The following MAGI2 variants were observed in gnomAD, a reference collection of about 807,000 sequenced individuals.
MAGI2 encodes the protein membrane-associated guanylate kinase, WW and PDZ domain-containing protein 2.
A neutral mutation model predicts 133.3 loss-of-function variants in MAGI2; 35 were observed. That is an observed-to-expected ratio of 0.26 (90% CI 0.20 to 0.35). The LOEUF (loss-of-function observed/expected upper bound fraction) is 0.35, where lower values mean the gene tolerates loss of function less well. MAGI2 is among the 10% of genes least tolerant of loss of function. The pLI is 1.00. For missense variants in MAGI2, 1,636 were observed against 1,863.4 expected (o/e 0.88, Z 2.25); for synonymous variants, 729 against 710.6 (o/e 1.03, Z -0.41).
At chr7:78,607,775 C>A (rs1035934488) in intron 3 of MAGI2, among the ~76,000 whole-genome samples, 2 of 152,162 alleles carry the variant, frequency 1.3e-5, no homozygotes, top group Non-Finnish European at 2.9e-5. Flanking sequence ...TCCTCATGGA[C>A]AATTTCAGTT....
chr7:79,248,696 A>C (rs1297009021), intron 1 of MAGI2, among the ~76,000 whole-genome samples: 1 of 152,122 alleles, frequency 6.6e-6, no homozygotes, highest in Non-Finnish European at 1.5e-5. Flanking sequence ...GAGTAAAACC[A>C]AAAATCAATG....
intron 6 of MAGI2, among the ~76,000 whole-genome samples, chr7:78,405,979 G>C (rs568069897): frequency 6.6e-6 from 1 of 151,898 alleles, no homozygotes; most frequent in Non-Finnish European, 1.5e-5. Context: ...TAAAACATCA[G>C]AATTTAGTTT....
intron 1 of MAGI2, chr7:79,413,019 G>T (rs993744016): frequency 5.9e-5 from 9 of 152,034 alleles, no homozygotes; most frequent in African/African-American, 2.2e-4. Context: ...TAAGATTTTT[G>T]GTGTTTTCTC....
intron 2 of MAGI2, among the ~76,000 whole-genome samples, chr7:78,695,883 T>C (rs1415573219): frequency 1.3e-5 from 2 of 152,332 alleles, no homozygotes; most frequent in South Asian, 4.1e-4. Flanking sequence ...TCTCTTATCC[T>C]AGTTTTTAAA....
chr7:79,129,914 AG>A (rs1354580895), intron 1 of MAGI2, among the ~76,000 whole-genome samples: 2 of 152,188 alleles, frequency 1.3e-5, no homozygotes, highest in Non-Finnish European at 1.5e-5. Flanking sequence ...TTGCCAAATT[AG>A]CTGACAAATG....
chr7:78,759,679 A>G (rs1824291541), intron 2 of MAGI2, among the ~76,000 whole-genome samples: 1 of 152,248 alleles, frequency 6.6e-6, no homozygotes, highest in Non-Finnish European at 1.5e-5. Context: ...TTAGAAAAAA[A>G]TACCTATTAT....
chr7:78,062,125 T>G (rs183156227), intron 21 of MAGI2, among the ~76,000 whole-genome samples: 1 of 152,250 alleles, frequency 6.6e-6, no homozygotes, highest in Admixed American at 6.5e-5. Flanking sequence ...ATATAGAGAG[T>G]TACTTTAGTG....
chr7:78,441,440 C>A (rs542634763), intron 6 of MAGI2, among the ~76,000 whole-genome samples: 1 of 152,214 alleles, frequency 6.6e-6, no homozygotes, highest in Admixed American at 6.5e-5. Flanking sequence ...CATAAAAAAG[C>A]TCTGCCAGCC....
chr7:78,658,894 C>G (rs898545193), intron 2 of MAGI2, among the ~76,000 whole-genome samples: 2 of 152,096 alleles, frequency 1.3e-5, no homozygotes, highest in African/African-American at 2.4e-5. Context: ...ACAAATTGAT[C>G]GTTCTCTAAA....
intron 2 of MAGI2, among the ~76,000 whole-genome samples, chr7:78,975,937 T>C (rs1804205416): frequency 6.6e-6 from 1 of 151,636 alleles, no homozygotes; most frequent in South Asian, 2.1e-4. Flanking sequence ...ATCAATTCCT[T>C]GAATGACATA....
chr7:78,256,422 A>C lies in MAGI2; in HGVS notation c.1568T>G (p.Met523Arg), dbSNP rs761561441. 1 of 1,613,956 alleles carries C rather than the reference A, an allele frequency of 6.2e-7. No individual in the cohort carries two copies. The highest frequency in any genetic ancestry group is 1.7e-5 in the Admixed American group (1 of 60,006). Residue 523 changes from methionine (M) to arginine (R), a missense_variant, in exon 10 of 22, where the codon ATG becomes AGG. Physicochemically the swap from Met to Arg is moderately conservative, Grantham distance 91. Coordinates refer to ENST00000354212, the MANE Select transcript of MAGI2 (RefSeq NM_012301.4). ...PFDPEDPANS[M>R]VPPLAIMERP... ...CTCCATTATTGCAAGGGGTGGCACC[A>C]TGCTGTTAGCAGGGTCTTCAGGATC...
At chr7:78,442,840 CA>C (rs1787762246) in intron 6 of MAGI2, among the ~76,000 whole-genome samples, 1 of 152,156 alleles carries the variant, frequency 6.6e-6, no homozygotes, top group Non-Finnish European at 1.5e-5. Flanking sequence ...ATTAAACAAA[CA>C]GAACAGTAAT....
intron 2 of MAGI2, among the ~76,000 whole-genome samples, chr7:78,818,780 C>A (rs1206724172): frequency 5.9e-5 from 9 of 152,058 alleles, no homozygotes; most frequent in Admixed American, 5.9e-4. Flanking sequence ...TCAATCTTAT[C>A]CTTTTGTAGT....
chr7:78,151,347 C>A (rs1823851215), intron 16 of MAGI2, among the ~76,000 whole-genome samples: 1 of 151,920 alleles, frequency 6.6e-6, no homozygotes, highest in East Asian at 1.9e-4. Context: ...ATACTTTTTT[C>A]TAAGGAGTCT....
At chr7:79,426,189 A>G (rs1423406781) in intron 1 of MAGI2, among the ~76,000 whole-genome samples, 1 of 152,178 alleles carries the variant, frequency 6.6e-6, no homozygotes, top group Non-Finnish European at 1.5e-5. Context: ...CAAGCTGGGA[A>G]TTATTAGATT....
At position 78,959,145 on chromosome 7, in the gene MAGI2, C is replaced by T. The variant is rs541054350; in HGVS notation, c.418+47945G>A. Among the ~76,000 whole-genome samples, 4 of 152,040 alleles carry T rather than the reference C, an allele frequency of 2.6e-5. No individual in the cohort carries two copies. In the East Asian group the frequency reaches 7.7e-4, roughly 29 times the overall value. Reference sequence around the variant, plus strand: ...TGAATTGATGGAATTGCTTTTACATCATTTATGTGTTCATAATTATGGTTG... The same window carrying T: ...TGAATTGATGGAATTGCTTTTACATTATTTATGTGTTCATAATTATGGTTG... On this transcript the variant is annotated intron_variant, in intron 2 of 21. Transcript: ENST00000354212.
chr7:78,642,064 C>T (rs1312618315), intron 2 of MAGI2, among the ~76,000 whole-genome samples: 1 of 152,112 alleles, frequency 6.6e-6, no homozygotes, highest in African/African-American at 2.4e-5. Context: ...ACATTTCATA[C>T]AGGGAAGAAA....
At chr7:78,704,004 T>C (rs574595730) in intron 2 of MAGI2, among the ~76,000 whole-genome samples, 8 of 152,222 alleles carry the variant, frequency 5.3e-5, no homozygotes, top group African/African-American at 1.7e-4. Flanking sequence ...ACTGTGGACA[T>C]AGGCCCTGGC....
intron 7 of MAGI2, among the ~76,000 whole-genome samples, chr7:78,366,623 G>A (rs1793401793): frequency 1.4e-5 from 2 of 141,720 alleles, no homozygotes; most frequent in Non-Finnish European, 3.3e-5. Context: ...AGATTTTTGG[G>A]ATGATGGAAG....
Sources: gnomAD v4.1 joint callset for allele counts (sites outside exome capture counted in the v4.1 genomes callset) on GRCh38, gnomAD v4.1.1 for gene constraint, MANE v1.5 for transcripts, NCBI Gene and HGNC (gene_info 2026-07-23, HGNC 2026-07-21) for gene names.